The following SORCS2 variants were observed in gnomAD, a reference collection of about 807,000 sequenced individuals.
SORCS2 encodes the protein sortilin related VPS10 domain containing receptor 2.
Under a neutral mutation model 141.6 loss-of-function variants are expected in SORCS2, and 100 were observed. That is an observed-to-expected ratio of 0.71 (90% CI 0.60 to 0.83). SORCS2 has a LOEUF of 0.83. SORCS2 is among the 40% of genes least tolerant of loss of function. The probability of loss-of-function intolerance (pLI) is 0.00; values close to 1 mark genes in which losing one functional copy is unlikely to be tolerated. For synonymous variants in SORCS2, 789 were observed against 676.9 expected (o/e 1.17, Z -2.57); for missense variants, 1,646 against 1,560.2 (o/e 1.05, Z -0.93).
At chr4:7,614,207 TCCACCTATTCA>T (rs1718606668) in intron 3 of SORCS2, among the ~76,000 whole-genome samples, 1 of 135,532 alleles carries the variant, frequency 7.4e-6, no homozygotes, top group African/African-American at 2.9e-5. Flanking sequence ...CACCTATTCA[TCCACCTATTCA>T]CCATCCATTC....
rs1260181985 is a variant in SORCS2 at position 7,673,016 on chromosome 4, A to G, written c.1162-3034A>G. On this transcript the variant is annotated intron_variant, in intron 8 of 26. Coordinates refer to ENST00000507866, the MANE Select transcript of SORCS2 (RefSeq NM_020777.3). Reference sequence around the variant, plus strand: ...ACAAATATGTACAATCACATATACTATATGTATATTTGAATGTGTCTTACA... The same window carrying G: ...ACAAATATGTACAATCACATATACTGTATGTATATTTGAATGTGTCTTACA... 3.9e-5 allele frequency among the ~76,000 whole-genome samples: 6 copies of G among 152,224 alleles called. No individual in the cohort carries two copies. The East Asian group carries it at 9.6e-4, about 24-fold the overall frequency.
intron 2 of SORCS2, among the ~76,000 whole-genome samples, chr4:7,411,137 G>T (rs1725278533): frequency 6.6e-6 from 1 of 151,608 alleles, no homozygotes; most frequent in Non-Finnish European, 1.5e-5. Context: ...TGTATTTTTA[G>T]TAGAGACAGG....
intron 2 of SORCS2, among the ~76,000 whole-genome samples, chr4:7,418,871 G>T (rs1725867980): frequency 6.6e-6 from 1 of 152,208 alleles, no homozygotes; most frequent in Non-Finnish European, 1.5e-5. Context: ...CTCTCTTTCT[G>T]AGGCTTGGCT....
At chr4:7,667,093 C>T (rs756039807) in intron 7 of SORCS2, 31 bp from the exon 8 acceptor site, 2 of 1,580,548 alleles carry the variant, frequency 1.3e-6, no homozygotes, top group Non-Finnish European at 1.7e-6. Flanking sequence ...GGAATCAAGC[C>T]TCTCAAAAAT....
chr4:7,293,373 T>G (rs1179539126), intron 1 of SORCS2, among the ~76,000 whole-genome samples: 1 of 151,984 alleles, frequency 6.6e-6, no homozygotes, highest in African/African-American at 2.4e-5. Flanking sequence ...CCGACTTCTC[T>G]CTTGGCTTCT....
At chr4:7,453,664 G>C (rs1342296924) in intron 2 of SORCS2, among the ~76,000 whole-genome samples, 2 of 132,950 alleles carry the variant, frequency 1.5e-5, no homozygotes, top group Admixed American at 7.4e-5. Flanking sequence ...GTCAGGAGCT[G>C]TGTGTTGGGT....
At chr4:7,521,550 G>A (rs1407312716) in intron 2 of SORCS2, among the ~76,000 whole-genome samples, 1 of 152,194 alleles carries the variant, frequency 6.6e-6, no homozygotes, top group African/African-American at 2.4e-5. Flanking sequence ...CCTCTTCGCG[G>A]GTTCTGTGGA....
At chr4:7,350,307 T>A (rs1478552165) in intron 1 of SORCS2, among the ~76,000 whole-genome samples, 1 of 152,166 alleles carries the variant, frequency 6.6e-6, no homozygotes, top group East Asian at 1.9e-4. Flanking sequence ...CGTTCCAGAG[T>A]GGGGCTACAG....
At chr4:7,318,278 C>A (rs937756373) in intron 1 of SORCS2, among the ~76,000 whole-genome samples, 1 of 152,126 alleles carries the variant, frequency 6.6e-6, no homozygotes, top group East Asian at 1.9e-4. Flanking sequence ...GGTGCTGCAC[C>A]CTGGTCACCT....
intron 3 of SORCS2, among the ~76,000 whole-genome samples, chr4:7,615,451 G>A (rs1718697033): frequency 1.3e-5 from 2 of 152,198 alleles, no homozygotes; most frequent in Admixed American, 6.5e-5. Context: ...AGGGAGAGGT[G>A]CCTTTTAAAA....
chr4:7,725,302 C>T lies in SORCS2; in HGVS notation c.2745+15C>T, dbSNP rs199762731. ...ACAGCCTGCAGGTGCGCTGGCTTTGCCCCAACTCAGCCCTTCTTCCCGCAG... is the reference window on the plus strand; with the variant it reads ...ACAGCCTGCAGGTGCGCTGGCTTTGTCCCAACTCAGCCCTTCTTCCCGCAG... On this transcript the variant is annotated intron_variant, in intron 20 of 26. Coordinates refer to ENST00000507866, the MANE Select transcript of SORCS2 (RefSeq NM_020777.3). 360 of 1,609,154 alleles carry T rather than the reference C, an allele frequency of 2.2e-4. No homozygotes were observed. Among genetic ancestry groups the T allele is most frequent in the Non-Finnish European group, 2.9e-4 (341 of 1,177,920 alleles).
intron 1 of SORCS2, among the ~76,000 whole-genome samples, chr4:7,360,631 T>C (rs1183230266): frequency 1.5e-5 from 2 of 130,734 alleles, no homozygotes; most frequent in South Asian, 2.7e-4. Context: ...CAGGCTGGAG[T>C]GCAGTGGTAT....
intron 2 of SORCS2, among the ~76,000 whole-genome samples, chr4:7,420,704 G>A (rs2109187801): frequency 6.6e-6 from 1 of 152,252 alleles, no homozygotes; most frequent in Non-Finnish European, 1.5e-5. Flanking sequence ...GCAAGCTAGG[G>A]CAGTGGCAGT....
intron 1 of SORCS2, among the ~76,000 whole-genome samples, chr4:7,254,905 G>A (rs889809084): frequency 3.9e-5 from 6 of 152,212 alleles, no homozygotes; most frequent in East Asian, 3.9e-4. Context: ...GGTTTGGGCC[G>A]GCTGTGTTCC....
intron 18 of SORCS2, among the ~76,000 whole-genome samples, chr4:7,719,146 G>A (rs997633718): frequency 2.6e-5 from 4 of 152,226 alleles, no homozygotes; most frequent in African/African-American, 9.6e-5. Context: ...TGCAGCTAGT[G>A]CGGCTTCACA....
At chr4:7,735,025 A>G (rs570458631) in intron 25 of SORCS2, among the ~76,000 whole-genome samples, 1 of 152,288 alleles carries the variant, frequency 6.6e-6, no homozygotes, top group South Asian at 2.1e-4. Flanking sequence ...TGATCCCCCG[A>G]CGCTGGGACG....
chr4:7,674,872 C>G (rs576140942), intron 8 of SORCS2, among the ~76,000 whole-genome samples: 41 of 152,270 alleles, frequency 2.7e-4, no homozygotes, highest in African/African-American at 9.4e-4. Flanking sequence ...GGAGCCATCC[C>G]CAAGCATCCC....
intron 2 of SORCS2, among the ~76,000 whole-genome samples, chr4:7,443,336 C>T (rs1280295646): frequency 6.6e-6 from 1 of 152,194 alleles, no homozygotes; most frequent in Admixed American, 6.5e-5. Context: ...TGGTGCACAG[C>T]ATCTTAGGGC....
At chr4:7,342,496 T>C (rs28673522) in intron 1 of SORCS2, among the ~76,000 whole-genome samples, 46,977 of 152,068 alleles carry the variant, frequency 0.31, 8,149 homozygotes, top group East Asian at 0.47. Flanking sequence ...TCTTCTTTCT[T>C]TATTCAGGGC....
Sources: gnomAD v4.1 joint callset for allele counts (sites outside exome capture counted in the v4.1 genomes callset) on GRCh38, gnomAD v4.1.1 for gene constraint, MANE v1.5 for transcripts, NCBI Gene and HGNC (gene_info 2026-07-23, HGNC 2026-07-21) for gene names.